Variants in SMYD1 observed in about 807,000 individuals in gnomAD.
SMYD1 encodes histone-lysine N-methyltransferase SMYD1.
SMYD1 carries 49 observed loss-of-function variants against 54.0 expected under a neutral mutation model. The observed-to-expected ratio is 0.91, with a 90% CI of 0.72 to 1.15. The LOEUF is 1.15. Ranked by LOEUF, SMYD1 falls within the 50% of genes most tolerant of loss-of-function variation. SMYD1 has a pLI of 0.00. For missense variants in SMYD1, 653 were observed against 639.6 expected, an observed-to-expected ratio of 1.02 and a Z score of -0.23; for synonymous variants, 269 against 234.2, an observed-to-expected ratio of 1.15 and a Z score of -1.36.
At chr2:88,098,700 A>C (rs756243656) in intron 6 of SMYD1, among the ~76,000 whole-genome samples, 5 of 152,238 alleles carry the variant, frequency 3.3e-5, no homozygotes, top group Non-Finnish European at 5.9e-5. Flanking sequence ...GACTCTAAAC[A>C]TCTGAGCTTG....
chr2:88,108,487 C>T lies in SMYD1; in HGVS notation c.1262C>T (p.Ala421Val). The change falls in exon 9 of 10, where the codon GCC becomes GTC. Residue 421 changes from alanine to valine, a missense_variant. Transcript: ENST00000419482. ...VGHGMICKAYAILLVTHGPSH... is the reference protein window; with the variant it reads ...VGHGMICKAYVILLVTHGPSH... The stretch of plus-strand genomic sequence containing the variant: ...CACGGGATGATCTGCAAAGCCTATG[C>T]CATTCTCCTGGTGACACACGGACCC... 6.2e-7 allele frequency: 1 copy of T among 1,610,892 alleles called. No individual in the cohort carries two copies. Among genetic ancestry groups the T allele is most frequent in the Non-Finnish European group, 8.5e-7 (1 of 1,178,696 alleles).
intron 3 of SMYD1, 34 bp downstream of exon 3, chr2:88,088,109 G>A (rs1442134100): frequency 3.2e-6 from 5 of 1,569,456 alleles, no homozygotes; most frequent in Admixed American, 3.6e-5. Flanking sequence ...CATCCTCCCT[G>A]TCTGTCTCCT....
At chr2:88,074,388 C>T (rs1262434923) in intron 1 of SMYD1, among the ~76,000 whole-genome samples, 2 of 152,200 alleles carry the variant, frequency 1.3e-5, no homozygotes, top group African/African-American at 4.8e-5. Context: ...CCCTGCTGAC[C>T]TCCTGCCTCC....
chr2:88,076,744 C>T (rs945001691), intron 1 of SMYD1, among the ~76,000 whole-genome samples: 6 of 152,204 alleles, frequency 3.9e-5, no homozygotes, highest in Non-Finnish European at 5.9e-5. Context: ...AGCAGGCTTA[C>T]GCCTGTAATC....
In SMYD1 at chr2:88,111,281, T is replaced by A. The variant is rs1156743142; in HGVS notation, c.*769T>A. ...CTAGAACACACAGAGAGGGAATAAGTCCCTCTATCACCCTTATTACCAAGC... is the reference window on the plus strand; with the variant it reads ...CTAGAACACACAGAGAGGGAATAAGACCCTCTATCACCCTTATTACCAAGC... On this transcript the variant is annotated 3_prime_UTR_variant, in exon 10 of 10. Coordinates refer to ENST00000419482, the MANE Select transcript of SMYD1 (RefSeq NM_198274.4). The A allele has an allele frequency of 6.6e-6, 1 of 152,224 alleles. No individual in the cohort carries two copies. Among genetic ancestry groups the A allele is most frequent in the African/African-American group, 2.4e-5 (1 of 41,444 alleles). The allele number at this position is 152,224 out of a possible 1,614,324, so 9.4% of individuals were successfully genotyped here.
In SMYD1 at chr2:88,110,608, A is replaced by G; in HGVS notation, c.*96A>G. On this transcript the variant is annotated 3_prime_UTR_variant, in exon 10 of 10. Coordinates refer to ENST00000419482, the MANE Select transcript of SMYD1 (RefSeq NM_198274.4). ...CGGGAGACCCCTAATGAGGAAGTTG[A>G]GGTAATGCTTAACATTGTTGCTGTG... The G allele has an allele frequency of 7.3e-7, 1 of 1,367,790 alleles. No homozygotes were observed. The highest frequency in any genetic ancestry group is 1.5e-5 in the African/African-American group (1 of 67,764). 84.7% of individuals were successfully genotyped at this position (1,367,790 alleles called of 1,614,324 possible). A position where few individuals can be genotyped will look rare whatever the true frequency, so the allele number is the denominator to read the frequency against.
chr2:88,101,112 C>T lies in SMYD1; in HGVS notation c.889-1946C>T, dbSNP rs527512522. 5.1e-4 allele frequency among the ~76,000 whole-genome samples: 77 copies of T among 152,314 alleles called. 1 individual carries two copies. The highest frequency in any genetic ancestry group is 6.0e-4 in the Non-Finnish European group (41 of 68,034). ...ACTCTCATACTGCGAGATGAAAACC[C>T]ATGGCAGAACTGGTCCAGGACAGCT... is the stretch of plus-strand genomic sequence containing the variant. On this transcript the variant is annotated intron_variant, in intron 6 of 9. Coordinates refer to ENST00000419482, the MANE Select transcript of SMYD1 (RefSeq NM_198274.4).
At chr2:88,078,129 G>C (rs1166090077) in intron 1 of SMYD1, among the ~76,000 whole-genome samples, 3 of 152,128 alleles carry the variant, frequency 2.0e-5, no homozygotes, top group African/African-American at 7.2e-5. Context: ...GCTGGTGCTG[G>C]GGGTGAGAGG....
At chr2:88,108,657 G>C (rs1328425828) in intron 9 of SMYD1, 118 bp downstream of exon 9, 1 of 1,037,418 alleles carries the variant, frequency 9.6e-7, no homozygotes, top group Non-Finnish European at 1.3e-6. Context: ...TAGACAAAAG[G>C]GAACTCAGAA....
At chr2:88,075,534 C>CTTTTTTTTTTTTTTTTTTTTTTT (rs35091980) in intron 1 of SMYD1, among the ~76,000 whole-genome samples, 1 of 103,580 alleles carries the variant, frequency 9.7e-6, no homozygotes, top group African/African-American at 3.5e-5. Context: ...CCTTTTAATT[C>CTTTTTTTTTTTTTTTTTTTTTTT]TTTTTTTTTT....
chr2:88,089,458 T>G (rs747411525), intron 3 of SMYD1, among the ~76,000 whole-genome samples: 13 of 152,168 alleles, frequency 8.5e-5, no homozygotes, highest in Non-Finnish European at 1.9e-4. Context: ...CTTTCAGTAT[T>G]TCTATTTTAT....
Position 88,110,389 on chromosome 2 carries a change from G to A in SMYD1, c.1350G>A (p.Met450Ile). The change falls in exon 10 of 10, where the codon ATG (methionine) becomes ATA (isoleucine). Residue 450 changes from methionine (M) to isoleucine (I), a missense_variant. By Grantham distance (10) the Met-to-Ile change is conservative. Coordinates refer to ENST00000419482, the MANE Select transcript of SMYD1 (RefSeq NM_198274.4). ...TGCAGACGGAGATGGAGCTACGCAT[G>A]TTCCGCCAGAACGAATTCATGTACT... The part of the protein sequence containing the change: ...MRVQTEMELR[M>I]FRQNEFMYYK... 6.2e-7 allele frequency: 1 copy of A among 1,613,060 alleles called. No homozygotes were observed. The highest frequency in any genetic ancestry group is 1.1e-5 in the South Asian group (1 of 90,646).
chr2:88,107,002 C>G (rs1674891758), intron 8 of SMYD1, among the ~76,000 whole-genome samples: 1 of 152,050 alleles, frequency 6.6e-6, no homozygotes, highest in Non-Finnish European at 1.5e-5. Context: ...AGATAGAGAC[C>G]ATCCCGGCTA....
At position 88,112,287 on chromosome 2, in the gene SMYD1, C is replaced by T. The variant is rs564193492; in HGVS notation, c.*1775C>T. 8.0e-6 allele frequency: 5 copies of T among 625,644 alleles called. No individual in the cohort carries two copies. In the East Asian group the frequency reaches 1.4e-4, roughly 17 times the overall value. The allele number at this position is 625,644 out of a possible 1,614,324, so 38.8% of individuals were successfully genotyped here. On this transcript the variant is annotated 3_prime_UTR_variant, in exon 10 of 10. Transcript: ENST00000419482. Reference sequence around the variant, plus strand: ...ATCTGCTAAGCCCCTGGTCATTTCCCCATATTCGTAGTCTTTTTTTCCATC... The same window carrying T: ...ATCTGCTAAGCCCCTGGTCATTTCCTCATATTCGTAGTCTTTTTTTCCATC...
At chr2:88,089,001 A>G (rs1674403178) in intron 3 of SMYD1, among the ~76,000 whole-genome samples, 1 of 152,148 alleles carries the variant, frequency 6.6e-6, no homozygotes, top group Admixed American at 6.5e-5. Context: ...TCACACTGAC[A>G]TCTCTCCAGT....
At chr2:88,096,018 C>A (rs1289237053) in intron 5 of SMYD1, among the ~76,000 whole-genome samples, 2 of 152,166 alleles carry the variant, frequency 1.3e-5, no homozygotes, top group African/African-American at 4.8e-5. Flanking sequence ...CTAACAGAGC[C>A]AGCCTTTGTT....
Position 88,111,684 on chromosome 2 carries a change from C to G in SMYD1, c.*1172C>G, listed in dbSNP as rs1173646034. ...TGTTCAGAGGTGTGGCCAATTTATCCCGATCTCCTGGAAGGCTGTTGTGAT... is the reference window on the plus strand; with the variant it reads ...TGTTCAGAGGTGTGGCCAATTTATCGCGATCTCCTGGAAGGCTGTTGTGAT... On this transcript the variant is annotated 3_prime_UTR_variant, in exon 10 of 10. Transcript: ENST00000419482. The G allele has an allele frequency of 5.4e-6, 1 of 186,788 alleles. No individual in the cohort carries two copies. Among genetic ancestry groups the G allele is most frequent in the Non-Finnish European group, 1.1e-5 (1 of 88,446 alleles). 11.6% of individuals were successfully genotyped at this position (186,788 alleles called of 1,614,324 possible). A position where few individuals can be genotyped will look rare whatever the true frequency, so the allele number is the denominator to read the frequency against.
intron 1 of SMYD1, among the ~76,000 whole-genome samples, chr2:88,071,679 C>T (rs1270537439): frequency 6.6e-6 from 1 of 152,150 alleles, no homozygotes; most frequent in East Asian, 1.9e-4. Context: ...TATTTGCCAT[C>T]CTCTTAGGTG....
chr2:88,079,682 G>A (rs1221896696), intron 1 of SMYD1, among the ~76,000 whole-genome samples: 1 of 152,164 alleles, frequency 6.6e-6, no homozygotes, highest in Non-Finnish European at 1.5e-5. Flanking sequence ...TTAGCCAGGT[G>A]TGGTGGCGGG....
Sources: gnomAD v4.1 joint callset for allele counts (sites outside exome capture counted in the v4.1 genomes callset) on GRCh38, gnomAD v4.1.1 for gene constraint, MANE v1.5 for transcripts, NCBI Gene and HGNC (gene_info 2026-07-23, HGNC 2026-07-21) for gene names.